Variants in ADGRB3 observed in about 807,000 individuals in gnomAD.
ADGRB3 encodes the protein adhesion G protein-coupled receptor B3, also known as brain-specific angiogenesis inhibitor 3.
In ADGRB3, 37 loss-of-function variants were observed where a neutral mutation model predicts 193.4. The ratio of observed to expected loss-of-function variants is 0.19; its 90% CI spans 0.15 to 0.25. The LOEUF is 0.25. Ranked by LOEUF, ADGRB3 falls within the 10% of genes least tolerant of loss-of-function variation. ADGRB3 has a pLI of 1.00. For synonymous variants in ADGRB3, 690 were observed against 644.2 expected, an observed-to-expected ratio of 1.07 and a Z score of -1.08; for missense variants, 1,637 against 1,852.9, an observed-to-expected ratio of 0.88 and a Z score of 2.14.
At chr6:69,365,113 A>T (rs1769540843) in intron 29 of ADGRB3, among the ~76,000 whole-genome samples, 1 of 152,182 alleles carries the variant, frequency 6.6e-6, no homozygotes, top group East Asian at 1.9e-4. Flanking sequence ...TTTCCAACTT[A>T]TGTGCACATC....
At chr6:69,172,721 C>T (rs986571923) in intron 17 of ADGRB3, among the ~76,000 whole-genome samples, 61 of 144,094 alleles carry the variant, frequency 4.2e-4, no homozygotes, top group Middle Eastern at 3.7e-3. Context: ...AAAAGAGAGA[C>T]TTCTTGTTAG....
intron 3 of ADGRB3, among the ~76,000 whole-genome samples, chr6:68,680,121 G>A (rs563269527): frequency 4.6e-5 from 7 of 152,162 alleles, no homozygotes; most frequent in African/African-American, 1.4e-4. Flanking sequence ...GATCTACCTC[G>A]AAGTTAGATT....
In ADGRB3 at chr6:69,033,990, T is replaced by C. The variant is rs1343446444; in HGVS notation, c.2108-14195T>C. Among the ~76,000 whole-genome samples the C allele has an allele frequency of 2.0e-5, 3 of 152,078 alleles. 1 individual carries two copies. Among genetic ancestry groups the C allele is most frequent in the Admixed American group, 2.0e-4 (3 of 15,276 alleles). The stretch of plus-strand genomic sequence containing the variant: ...GGATAATAGGTTATATTCCCAAATA[T>C]ATATTCTGAATTCAGACAAAACCTG... On this transcript the variant is annotated intron_variant, in intron 13 of 31. Coordinates refer to ENST00000370598, the MANE Select transcript of ADGRB3 (RefSeq NM_001704.3).
intron 13 of ADGRB3, among the ~76,000 whole-genome samples, chr6:69,031,550 T>TTTCTTTCTTTCTTTCTTTCTTC: frequency 2.9e-5 from 2 of 70,132 alleles, no homozygotes; most frequent in African/African-American, 9.9e-5. Context: ...TCTTTCTTTC[T>TTTCTTTCTTTCTTTCTTTCTTC]TTTTCTTTCT....
Position 68,864,445 on chromosome 6 carries a change from T to C in ADGRB3, c.758-66114T>C, listed in dbSNP as rs143828151. Among the ~76,000 whole-genome samples the C allele has an allele frequency of 5.1e-4, 77 of 152,304 alleles. 1 individual carries two copies. Among genetic ancestry groups the C allele is most frequent in the African/African-American group, 1.7e-3 (71 of 41,570 alleles). On this transcript the variant is annotated intron_variant, in intron 3 of 31. Transcript: ENST00000370598. The stretch of plus-strand genomic sequence containing the variant: ...GGAAAAGTGTGCCATTTTCAGGCCA[T>C]AGTCTTAAAGGAAGAAGTGTAGTTT...
At chr6:69,060,239 TCTCTCTCTCTCC>T (rs1426872959) in intron 15 of ADGRB3, among the ~76,000 whole-genome samples, 3 of 151,394 alleles carry the variant, frequency 2.0e-5, no homozygotes, top group Non-Finnish European at 4.4e-5. Context: ...TCTCTCTCTC[TCTCTCTCTCTCC>T]TCCTCTGTCT....
chr6:68,789,264 A>G (rs1422614859), intron 3 of ADGRB3, among the ~76,000 whole-genome samples: 1 of 152,030 alleles, frequency 6.6e-6, no homozygotes, highest in African/African-American at 2.4e-5. Context: ...GGTCTTTACA[A>G]TTTGGCATGT....
chr6:69,042,563 A>G (rs947171724), intron 13 of ADGRB3, among the ~76,000 whole-genome samples: 2 of 152,222 alleles, frequency 1.3e-5, no homozygotes, highest in Non-Finnish European at 2.9e-5. Context: ...CTACATGTAG[A>G]TTCAGTTCAG....
At chr6:69,114,922 G>A (rs970706357) in intron 17 of ADGRB3, among the ~76,000 whole-genome samples, 9 of 152,082 alleles carry the variant, frequency 5.9e-5, no homozygotes, top group Non-Finnish European at 7.4e-5. Flanking sequence ...TTAGAATGGC[G>A]ATCATTAAAA....
At chr6:69,080,486 A>G (rs977286205) in intron 17 of ADGRB3, among the ~76,000 whole-genome samples, 1 of 151,986 alleles carries the variant, frequency 6.6e-6, no homozygotes, top group African/African-American at 2.4e-5. Flanking sequence ...AGGAGCAAAA[A>G]GAACAAGAAA....
intron 17 of ADGRB3, among the ~76,000 whole-genome samples, chr6:69,108,069 CGAA>C (rs1409784580): frequency 6.6e-6 from 1 of 151,424 alleles, no homozygotes; most frequent in African/African-American, 2.4e-5. Context: ...AAAAGTCAGC[CGAA>C]GAAGAACGAA....
chr6:68,958,922 C>G (rs1768157797), intron 8 of ADGRB3, among the ~76,000 whole-genome samples: 1 of 149,224 alleles, frequency 6.7e-6, no homozygotes, highest in African/African-American at 2.5e-5. Flanking sequence ...TACATATACA[C>G]CAAGCTTTTG....
chr6:68,734,170 A>G (rs1445376661), intron 3 of ADGRB3, among the ~76,000 whole-genome samples: 3 of 151,970 alleles, frequency 2.0e-5, no homozygotes, highest in Admixed American at 2.0e-4. Flanking sequence ...AAACTTATAG[A>G]AATATTTTCA....
intron 3 of ADGRB3, among the ~76,000 whole-genome samples, chr6:68,881,666 G>C (rs571121490): frequency 6.6e-6 from 1 of 152,298 alleles, no homozygotes; most frequent in African/African-American, 2.4e-5. Flanking sequence ...TCTGACACCA[G>C]AAATCATAGC....
intron 17 of ADGRB3, among the ~76,000 whole-genome samples, chr6:69,158,208 T>A (rs981954839): frequency 1.4e-4 from 22 of 152,176 alleles, no homozygotes; most frequent in African/African-American, 4.6e-4. Context: ...ACATTTTTTT[T>A]ATTTATTTTC....
intron 17 of ADGRB3, among the ~76,000 whole-genome samples, chr6:69,100,900 A>AGGAGAGAGGGAAGAAGGCAGGGAGG (rs1562159498): frequency 2.4e-5 from 1 of 41,134 alleles, no homozygotes. Flanking sequence ...GAAGGAAGGA[A>AGGAGAGAGGGAAGAAGGCAGGGAGG]GAAGCGAGGG....
chr6:69,287,262 C>CT (rs1181863219), intron 20 of ADGRB3, among the ~76,000 whole-genome samples: 1 of 152,096 alleles, frequency 6.6e-6, no homozygotes, highest in Non-Finnish European at 1.5e-5. Context: ...AATACTTACC[C>CT]ACAGAGCAAA....
At chr6:68,740,889 A>C (rs1765967574) in intron 3 of ADGRB3, among the ~76,000 whole-genome samples, 1 of 152,206 alleles carries the variant, frequency 6.6e-6, no homozygotes, top group African/African-American at 2.4e-5. Context: ...AACATAGTTA[A>C]GTGTTGATAG....
intron 3 of ADGRB3, among the ~76,000 whole-genome samples, chr6:68,734,665 AT>A (rs1765838952): frequency 6.6e-6 from 1 of 152,026 alleles, no homozygotes. Flanking sequence ...ATCTAAACCA[AT>A]TACAAGGGCA....
Sources: allele counts gnomAD v4.1 joint callset (sites outside exome capture counted in the v4.1 genomes callset), GRCh38; gene constraint gnomAD v4.1.1; transcripts MANE v1.5; gene names NCBI Gene and HGNC (gene_info 2026-07-23, HGNC 2026-07-21).